ASIC2: variants seen among roughly 807,000 people sequenced by gnomAD.
ASIC2 encodes the protein acid sensing ion channel subunit 2.
Under a neutral mutation model 57.3 loss-of-function variants are expected in ASIC2, and 25 were observed. That is an observed-to-expected ratio of 0.44 (90% CI 0.32 to 0.61). ASIC2 has a LOEUF of 0.61. Among genes scored for constraint, ASIC2 ranks in the 20% least tolerant of loss-of-function variants. The probability of loss-of-function intolerance (pLI) is 0.06; values close to 1 mark genes in which losing one functional copy is unlikely to be tolerated. For missense variants in ASIC2, 641 were observed against 738.1 expected, an observed-to-expected ratio of 0.87 and a Z score of 1.52; for synonymous variants, 319 against 307.5, an observed-to-expected ratio of 1.04 and a Z score of -0.39.
intron 1 of ASIC2, chr17:33,530,056 G>A (rs183924742): frequency 6.6e-6 from 1 of 152,168 alleles, no homozygotes; most frequent in South Asian, 2.1e-4. Flanking sequence ...GAATAAATGC[G>A]AAGGCCATAA....
Position 33,898,402 on chromosome 17 carries a change from A to T in ASIC2, c.555+257576T>A, listed in dbSNP as rs148297123. 2.2e-3 allele frequency among the ~76,000 whole-genome samples: 336 copies of T among 151,282 alleles called. 2 individuals carry two copies. The highest frequency in any genetic ancestry group is 7.9e-3 in the African/African-American group (326 of 41,230). On this transcript the variant is annotated intron_variant, in intron 1 of 9. Transcript: ENST00000359872. The stretch of plus-strand genomic sequence containing the variant: ...AGGCGGATGCCACTGCACCCAGCTA[A>T]TTTTTCTGTATTTTTAGTAGAGACG...
intron 1 of ASIC2, among the ~76,000 whole-genome samples, chr17:33,326,941 G>T (rs1319502701): frequency 6.6e-6 from 1 of 152,036 alleles, no homozygotes; most frequent in African/African-American, 2.4e-5. Flanking sequence ...TCTCCCAAGT[G>T]CTTGCCCAAT....
intron 1 of ASIC2, among the ~76,000 whole-genome samples, chr17:33,455,395 T>C (rs1279021867): frequency 6.6e-6 from 1 of 152,220 alleles, no homozygotes; most frequent in Non-Finnish European, 1.5e-5. Flanking sequence ...TTTACATCCA[T>C]GAGTGCCCAA....
intron 1 of ASIC2, among the ~76,000 whole-genome samples, chr17:33,641,439 A>G (rs933038468): frequency 1.3e-5 from 2 of 152,136 alleles, no homozygotes; most frequent in Non-Finnish European, 2.9e-5. Context: ...GTTCTCATGC[A>G]TGGTGGTGCC....
intron 1 of ASIC2, among the ~76,000 whole-genome samples, chr17:33,195,552 T>C (rs1015983663): frequency 3.9e-5 from 6 of 152,232 alleles, no homozygotes; most frequent in African/African-American, 1.4e-4. Context: ...GTATAGTAAA[T>C]GGTTACTGGC....
intron 1 of ASIC2, among the ~76,000 whole-genome samples, chr17:33,844,289 G>A (rs897109075): frequency 2.0e-5 from 3 of 152,082 alleles, no homozygotes; most frequent in Admixed American, 6.5e-5. Flanking sequence ...TAGGATGACC[G>A]TGGCATTTGT....
At chr17:33,145,648 CT>C (rs533388037) in intron 1 of ASIC2, among the ~76,000 whole-genome samples, 4 of 152,272 alleles carry the variant, frequency 2.6e-5, no homozygotes, top group South Asian at 4.1e-4. Flanking sequence ...TTTATTTTAA[CT>C]TTTTTTGAAT....
intron 1 of ASIC2, among the ~76,000 whole-genome samples, chr17:34,076,043 C>T (rs1160370226): frequency 6.6e-6 from 1 of 151,704 alleles, no homozygotes; most frequent in East Asian, 1.9e-4. Context: ...CACTTTGTTG[C>T]CCAGGCTGGA....
chr17:33,317,565 G>A (rs1260011760), intron 1 of ASIC2, among the ~76,000 whole-genome samples: 2 of 152,134 alleles, frequency 1.3e-5, no homozygotes, highest in South Asian at 2.1e-4. Context: ...CCACCCAAAT[G>A]ACTTTCAGCT....
At chr17:33,962,707 C>T (rs1214800214) in intron 1 of ASIC2, among the ~76,000 whole-genome samples, 1 of 152,192 alleles carries the variant, frequency 6.6e-6, no homozygotes, top group African/African-American at 2.4e-5. Flanking sequence ...GGGCCACTGC[C>T]TGCACTGTCT....
chr17:33,223,341 C>T (rs900563552), intron 1 of ASIC2, among the ~76,000 whole-genome samples: 7 of 152,084 alleles, frequency 4.6e-5, no homozygotes, highest in South Asian at 2.1e-4. Context: ...TGCAACTATG[C>T]CTGGCTAATT....
At chr17:33,822,160 G>C (rs1380213430) in intron 1 of ASIC2, among the ~76,000 whole-genome samples, 5 of 152,182 alleles carry the variant, frequency 3.3e-5, no homozygotes, top group Admixed American at 1.3e-4. Context: ...TAAAGTAAGT[G>C]CTCAATCACT....
chr17:33,840,941 T>G (rs317384), intron 1 of ASIC2, among the ~76,000 whole-genome samples: 20,732 of 152,082 alleles, frequency 0.14, 1,892 homozygotes, highest in East Asian at 0.51. Flanking sequence ...GCTATTCTGA[T>G]GGACAGGTAT....
At chr17:33,048,000 T>C (rs116573516) in intron 3 of ASIC2, among the ~76,000 whole-genome samples, 2,608 of 152,324 alleles carry the variant, frequency 0.017, 75 homozygotes, top group Middle Eastern at 0.061. Context: ...TGACAATTTT[T>C]GGAGACAGAT....
intron 1 of ASIC2, among the ~76,000 whole-genome samples, chr17:34,141,998 A>G (rs1057171216): frequency 4.6e-5 from 7 of 152,214 alleles, no homozygotes; most frequent in Admixed American, 2.6e-4. Context: ...CCATAATTCA[A>G]CATTTTGTTA....
At chr17:33,455,621 A>G (rs994451798) in intron 1 of ASIC2, among the ~76,000 whole-genome samples, 1 of 152,208 alleles carries the variant, frequency 6.6e-6, no homozygotes, top group East Asian at 1.9e-4. Context: ...GCACCTTTTT[A>G]GATATGTTAT....
chr17:33,792,646 AT>A (rs1443369695), intron 1 of ASIC2: 1 of 152,148 alleles, frequency 6.6e-6, no homozygotes, highest in Non-Finnish European at 1.5e-5. Context: ...AATGCCTTCT[AT>A]TTTTCATTTA....
At chr17:33,860,133 T>A (rs1567737206) in intron 1 of ASIC2, among the ~76,000 whole-genome samples, 3 of 152,164 alleles carry the variant, frequency 2.0e-5, no homozygotes, top group Non-Finnish European at 4.4e-5. Context: ...ATTTTTAACA[T>A]GGAGATTATG....
At chr17:33,250,196 T>C (rs1367834839) in intron 1 of ASIC2, among the ~76,000 whole-genome samples, 1 of 152,250 alleles carries the variant, frequency 6.6e-6, no homozygotes, top group Non-Finnish European at 1.5e-5. Flanking sequence ...AGGCACATCA[T>C]AGGTGCTCAA....
Sources: gnomAD v4.1 joint callset for allele counts (sites outside exome capture counted in the v4.1 genomes callset) on GRCh38, gnomAD v4.1.1 for gene constraint, MANE v1.5 for transcripts, NCBI Gene and HGNC (gene_info 2026-07-23, HGNC 2026-07-21) for gene names.